The following ZNF280D variants were observed in gnomAD, a reference collection of about 807,000 sequenced individuals.
ZNF280D encodes the protein zinc finger protein 280D.
A neutral mutation model predicts 94.7 loss-of-function variants in ZNF280D; 39 were observed. The observed-to-expected ratio is 0.41, with a 90% CI of 0.32 to 0.54. The LOEUF is 0.54. ZNF280D is among the 20% of genes least tolerant of loss of function. The pLI is 0.22. For synonymous variants in ZNF280D, 398 were observed against 377.6 expected (o/e 1.05, Z -0.63); for missense variants, 1,090 against 1,149.3 (o/e 0.95, Z 0.75).
intron 16 of ZNF280D, among the ~76,000 whole-genome samples, chr15:56,659,264 C>T (rs2053755768): frequency 1.3e-5 from 2 of 150,998 alleles, no homozygotes; most frequent in Admixed American, 6.6e-5. Flanking sequence ...AATTTTGTAG[C>T]CCATGATAAT....
intron 21 of ZNF280D, among the ~76,000 whole-genome samples, chr15:56,632,496 ATT>A (rs35589148): frequency 0.43 from 55,616 of 128,684 alleles, 11,689 homozygotes; most frequent in East Asian, 0.56. Flanking sequence ...TTTTTTTATG[ATT>A]TTTTTTTTTT....
chr15:56,645,157 A>G (rs2052817496), intron 19 of ZNF280D: 1 of 152,322 alleles, frequency 6.6e-6, no homozygotes, highest in East Asian at 1.9e-4. Flanking sequence ...TTTACTAAAG[A>G]TACCTGCTGA....
At chr15:56,676,328 C>T (rs2055230665) in intron 13 of ZNF280D, among the ~76,000 whole-genome samples, 2 of 152,100 alleles carry the variant, frequency 1.3e-5, no homozygotes, top group Non-Finnish European at 2.9e-5. Context: ...TCCCTTTGTC[C>T]TGATAACTCC....
chr15:56,658,693 T>A (rs1300666863), intron 16 of ZNF280D, among the ~76,000 whole-genome samples: 1 of 152,156 alleles, frequency 6.6e-6, no homozygotes, highest in Admixed American at 6.5e-5. Flanking sequence ...ACTATTTTCC[T>A]AGGCATATTC....
At position 56,668,930 on chromosome 15, in the gene ZNF280D, A is replaced by G. The variant is rs2054486189; in HGVS notation, c.1438T>C (p.Cys480Arg). ...QKKGIHRCTKCRLQFLTCKEK... is the reference protein window; with the variant it reads ...QKKGIHRCTKRRLQFLTCKEK... ...TTGCATGTCAAAAACTGCAGCCTGCATTTTGTACAACGATGTATTCCTTTT... is the reference window on the plus strand; with the variant it reads ...TTGCATGTCAAAAACTGCAGCCTGCGTTTTGTACAACGATGTATTCCTTTT... The change falls in exon 14 of 22, where the codon TGC (cysteine) becomes CGC (arginine). Residue 480 changes from cysteine to arginine, a missense_variant. By Grantham distance (180) the Cys-to-Arg change is radical. Coordinates refer to ENST00000267807, the MANE Select transcript of ZNF280D (RefSeq NM_017661.4). 6.2e-7 allele frequency: 1 copy of G among 1,611,702 alleles called. No homozygotes were observed. The highest frequency in any genetic ancestry group is 1.1e-5 in the South Asian group (1 of 90,674).
chr15:56,668,032 G>T, intron 14 of ZNF280D: 1 of 399,800 alleles, frequency 2.5e-6, no homozygotes, highest in Non-Finnish European at 4.9e-6. Flanking sequence ...AACATGGAAT[G>T]AATGGATTGC....
At chr15:56,699,626 T>A (rs187773340) in intron 6 of ZNF280D, 1 of 874,016 alleles carries the variant, frequency 1.1e-6, no homozygotes, top group Non-Finnish European at 1.4e-6. Context: ...TGGAGTGATA[T>A]TGTAAATACT....
intron 14 of ZNF280D, chr15:56,668,144 A>G: frequency 2.2e-6 from 1 of 455,172 alleles, no homozygotes; most frequent in Non-Finnish European, 4.4e-6. Context: ...CATTCAAAGG[A>G]AAGTACCCAA....
chr15:56,660,973 G>A (rs149722352), intron 16 of ZNF280D, among the ~76,000 whole-genome samples: 1 of 151,502 alleles, frequency 6.6e-6, no homozygotes, highest in Admixed American at 6.6e-5. Context: ...TGGTTGCTTG[G>A]GGGGAGTGTT....
rs1190678124 is a variant in ZNF280D at position 56,643,895 on chromosome 15, C to CA, written c.2214-899dup. Among the ~76,000 whole-genome samples, 17 of 149,712 alleles carry CA rather than the reference C, an allele frequency of 1.1e-4. No homozygotes were observed. In the South Asian group the frequency reaches 1.7e-3, roughly 15 times the overall value. ...ACTATATTATCTTAAATTTCATTGA[C>CA]AAAAAAAAAGATATCTAATAGGATA... On this transcript the variant is annotated intron_variant, in intron 19 of 21. Transcript: ENST00000267807.
intron 13 of ZNF280D, among the ~76,000 whole-genome samples, chr15:56,669,876 T>TATATATATATATATATA (rs1566959478): frequency 3.6e-4 from 2 of 5,536 alleles, no homozygotes; most frequent in Non-Finnish European, 4.3e-4. Context: ...ATATATTTTA[T>TATATATATATATATATA]ATATATATAT....
intron 1 of ZNF280D, among the ~76,000 whole-genome samples, chr15:56,729,358 G>A (rs1431929281): frequency 1.3e-5 from 2 of 152,194 alleles, no homozygotes; most frequent in Non-Finnish European, 2.9e-5. Flanking sequence ...TTGAACTTCT[G>A]TGAATTTTCA....
intron 7 of ZNF280D, among the ~76,000 whole-genome samples, chr15:56,689,798 G>A (rs1362318788): frequency 6.6e-6 from 1 of 151,756 alleles, no homozygotes; most frequent in South Asian, 2.1e-4. Flanking sequence ...AGTATACTAT[G>A]AATAAGTTCT....
chr15:56,725,079 C>T (rs2058566050), intron 1 of ZNF280D: 3 of 271,018 alleles, frequency 1.1e-5, no homozygotes, highest in South Asian at 3.9e-5. Flanking sequence ...CTCTCTCAAG[C>T]CCCTCCAGGC....
intron 20 of ZNF280D, among the ~76,000 whole-genome samples, chr15:56,641,287 T>C (rs1265720772): frequency 2.0e-5 from 3 of 152,024 alleles, no homozygotes; most frequent in Non-Finnish European, 2.9e-5. Context: ...TAGCTTTATA[T>C]TAGTCATGTT....
intron 20 of ZNF280D, among the ~76,000 whole-genome samples, chr15:56,639,562 T>A (rs899253524): frequency 2.6e-5 from 4 of 152,024 alleles, no homozygotes; most frequent in African/African-American, 9.7e-5. Flanking sequence ...AGAAAAAAAG[T>A]AACCTAAATA....
intron 1 of ZNF280D, among the ~76,000 whole-genome samples, chr15:56,712,727 A>G (rs956339364): frequency 1.3e-5 from 2 of 149,172 alleles, no homozygotes; most frequent in Admixed American, 6.8e-5. Context: ...ATTATGAGGA[A>G]CATGGTGAAT....
chr15:56,686,185 C>T (rs1274866480), intron 9 of ZNF280D, among the ~76,000 whole-genome samples: 1 of 152,182 alleles, frequency 6.6e-6, no homozygotes, highest in Non-Finnish European at 1.5e-5. Flanking sequence ...GTTACCCAGG[C>T]TGGAGGGCAG....
At chr15:56,722,788 T>C (rs1043833751) in intron 1 of ZNF280D, among the ~76,000 whole-genome samples, 1 of 152,110 alleles carries the variant, frequency 6.6e-6, no homozygotes, top group Non-Finnish European at 1.5e-5. Flanking sequence ...CGTCTGTTTA[T>C]TGCGGCATTA....
Sources: gnomAD v4.1 joint callset for allele counts (sites outside exome capture counted in the v4.1 genomes callset) on GRCh38, gnomAD v4.1.1 for gene constraint, MANE v1.5 for transcripts, NCBI Gene and HGNC (gene_info 2026-07-23, HGNC 2026-07-21) for gene names.